The following FAM228B variants were observed in gnomAD, a reference collection of about 807,000 sequenced individuals.
FAM228B encodes the protein protein FAM228B.
Under a neutral mutation model 42.6 loss-of-function variants are expected in FAM228B, and 38 were observed. The ratio of observed to expected loss-of-function variants is 0.89; its 90% CI spans 0.69 to 1.17. The LOEUF is 1.17. Ranked by LOEUF, FAM228B falls within the 50% of genes most tolerant of loss-of-function variation. FAM228B has a pLI of 0.00. For synonymous variants in FAM228B, 109 were observed against 122.3 expected, an observed-to-expected ratio of 0.89 and a Z score of 0.72; for missense variants, 344 against 367.3, an observed-to-expected ratio of 0.94 and a Z score of 0.52.
chr2:24,082,886 C>A, intron 2 of FAM228B: 1 of 1,602,570 alleles, frequency 6.2e-7, no homozygotes, highest in South Asian at 1.1e-5. Context: ...CCTCCTCACC[C>A]ACAAGATGTA....
At position 24,084,162 on chromosome 2, in the gene FAM228B, GC is replaced by G; in HGVS notation, c.-210+3211del. ...AGAGGGAGGCTCTGGAGTCCCGCCC[GC>G]CCCGGCGCGGCTGAGCCCTGGGTAC... On this transcript the variant is annotated intron_variant, in intron 2 of 10. Coordinates refer to the FAM228B transcript ENST00000613899. This position sits in a 1 kb window ranked among gnomAD's most constrained non-coding sequence, Gnocchi z 8.4. 1 of 1,593,988 alleles carries G rather than the reference GC, an allele frequency of 6.3e-7. No individual in the cohort carries two copies.
intron 7 of FAM228B, among the ~76,000 whole-genome samples, chr2:24,148,799 A>G (rs1043041241): frequency 6.6e-6 from 1 of 152,086 alleles, no homozygotes; most frequent in African/African-American, 2.4e-5. Context: ...TTGTTGTGCT[A>G]TCATATACGA....
chr2:24,124,216 G>T (rs1317199781), intron 1 of FAM228B, 114 bp from the exon 2 acceptor site: 1 of 577,196 alleles, frequency 1.7e-6, no homozygotes, highest in African/African-American at 1.9e-5. Flanking sequence ...AGGGAAACTG[G>T]ATGGTTAGTG....
chr2:24,120,427 C>T (rs1323446608), upstream of FAM228B, among the ~76,000 whole-genome samples: 2 of 152,190 alleles, frequency 1.3e-5, no homozygotes, highest in Non-Finnish European at 2.9e-5. Flanking sequence ...CCTCAGTGTC[C>T]TCATCTGTAA....
intron 9 of FAM228B, chr2:24,166,447 C>T (rs908902897): frequency 6.6e-6 from 1 of 152,082 alleles, no homozygotes; most frequent in Non-Finnish European, 1.5e-5. Context: ...CTAACCTTTT[C>T]TTTTGTGTGT....
At chr2:24,117,343 A>G (rs968097618) in intron 3 of FAM228B, among the ~76,000 whole-genome samples, 5 of 152,124 alleles carry the variant, frequency 3.3e-5, no homozygotes, top group Non-Finnish European at 7.3e-5. Flanking sequence ...GAAGTAGCAT[A>G]GCATCCTTTT....
chr2:24,166,052 A>ATATATATATATATAT (rs1468435433), intron 9 of FAM228B: 10 of 19,428 alleles, frequency 5.1e-4, no homozygotes, highest in Admixed American at 2.3e-3. Context: ...AAAAAAAAAA[A>ATATATATATATATAT]AAATATATAT....
Position 24,118,437 on chromosome 2 carries a change from A to G in FAM228B, c.-120-16682A>G, listed in dbSNP as rs1665991151. Among the ~76,000 whole-genome samples the G allele has an allele frequency of 4.6e-5, 7 of 152,338 alleles. No homozygotes were observed. The South Asian group carries it at 1.2e-3, about 27-fold the overall frequency. ...TGACTCTGCTAGGCCGAAGTAATTCATTGATTTATTCATCAAACATGTACT... is the reference window on the plus strand; with the variant it reads ...TGACTCTGCTAGGCCGAAGTAATTCGTTGATTTATTCATCAAACATGTACT... On this transcript the variant is annotated intron_variant, in intron 3 of 10. Coordinates refer to the FAM228B transcript ENST00000613899.
rs1050197030 is a variant in FAM228B at position 24,084,231 on chromosome 2, C to T, written c.-210+3276C>T. ...GGTTCAGGGCGCTGGCCGCCACCTT[C>T]AGGAGGACTTCACCCTCCCCCGGGC... On this transcript the variant is annotated intron_variant, in intron 2 of 10. Coordinates refer to the FAM228B transcript ENST00000613899. The surrounding 1 kb of genome is among the most constrained non-coding windows in gnomAD (Gnocchi z 8.4). 3 of 1,613,942 alleles carry T rather than the reference C, an allele frequency of 1.9e-6. No individual in the cohort carries two copies. In the Admixed American group the frequency reaches 5.0e-5, roughly 27 times the overall value.
chr2:24,135,006 G>A (rs1271596402), intron 2 of FAM228B, 113 bp from the exon 3 acceptor site: 1 of 671,932 alleles, frequency 1.5e-6, no homozygotes, highest in Non-Finnish European at 2.6e-6. Context: ...GAAACAAACT[G>A]CATGCATAGA....
At chr2:24,145,459 C>A (rs1459722311) in intron 5 of FAM228B, among the ~76,000 whole-genome samples, 1 of 152,284 alleles carries the variant, frequency 6.6e-6, no homozygotes, top group East Asian at 1.9e-4. Context: ...ACCATAGACA[C>A]GTCTCCAGGA....
intron 2 of FAM228B, among the ~76,000 whole-genome samples, chr2:24,090,893 C>T (rs1419463073): frequency 6.6e-6 from 1 of 152,048 alleles, no homozygotes; most frequent in East Asian, 1.9e-4. Context: ...CTCAATTGAA[C>T]CTCCCACCTC....
upstream of FAM228B, chr2:24,121,242 G>C (rs370967554): frequency 2.5e-6 from 4 of 1,614,096 alleles, no homozygotes; most frequent in Non-Finnish European, 3.4e-6. Flanking sequence ...TTCTCTTCGG[G>C]CTTGCAAAGG....
chr2:24,158,229 C>T (rs1327475260), intron 7 of FAM228B, among the ~76,000 whole-genome samples: 1 of 30,104 alleles, frequency 3.3e-5, no homozygotes, highest in Non-Finnish European at 7.0e-5. Context: ...ACATTGTTCC[C>T]AAGACTCTAT....
At chr2:24,082,896 A>T (rs1339321135) in intron 2 of FAM228B, 1 of 1,606,874 alleles carries the variant, frequency 6.2e-7, no homozygotes, top group Non-Finnish European at 8.5e-7. Flanking sequence ...CACAAGATGT[A>T]ACAGCTGGAA....
At chr2:24,151,420 A>T (rs1667018853) in intron 7 of FAM228B, among the ~76,000 whole-genome samples, 2 of 150,374 alleles carry the variant, frequency 1.3e-5, no homozygotes, top group South Asian at 2.1e-4. Context: ...CCTCCTGAGT[A>T]GCTGGGACTA....
rs1665143164 is a variant in FAM228B at position 24,084,156 on chromosome 2, C to T, written c.-210+3201C>T. 1 of 1,587,208 alleles carries T rather than the reference C, an allele frequency of 6.3e-7. No individual in the cohort carries two copies. Among genetic ancestry groups the T allele is most frequent in the African/African-American group, 1.3e-5 (1 of 74,546 alleles). On this transcript the variant is annotated intron_variant, in intron 2 of 10. Coordinates refer to the FAM228B transcript ENST00000613899. The surrounding 1 kb of genome is among the most constrained non-coding windows in gnomAD (Gnocchi z 8.4). ...CTGTTGAGAGGGAGGCTCTGGAGTC[C>T]CGCCCGCCCCGGCGCGGCTGAGCCC...
intron 8 of FAM228B, among the ~76,000 whole-genome samples, chr2:24,162,454 C>T (rs1667308086): frequency 6.6e-6 from 1 of 152,170 alleles, no homozygotes; most frequent in Admixed American, 6.5e-5. Flanking sequence ...AGTCGTGCTG[C>T]CCCTCAGATA....
chr2:24,135,389 C>G (rs755157420), intron 3 of FAM228B, among the ~76,000 whole-genome samples: 2 of 152,176 alleles, frequency 1.3e-5, no homozygotes, highest in African/African-American at 2.4e-5. Context: ...TGTGGGAATT[C>G]CTTTGCAGAG....
Sources: allele counts gnomAD v4.1 joint callset (sites outside exome capture counted in the v4.1 genomes callset), GRCh38; gene constraint gnomAD v4.1.1; non-coding constraint Gnocchi (gnomAD v3.1); transcripts MANE v1.5; gene names NCBI Gene and HGNC (gene_info 2026-07-23, HGNC 2026-07-21).